The following SLC24A2 variants were observed in gnomAD, a reference collection of about 807,000 sequenced individuals.
The protein encoded by SLC24A2 is sodium/potassium/calcium exchanger 2.
Under a neutral mutation model 62.0 loss-of-function variants are expected in SLC24A2, and 36 were observed. The ratio of observed to expected loss-of-function variants is 0.58; its 90% CI spans 0.44 to 0.77. The LOEUF (loss-of-function observed/expected upper bound fraction) is 0.77. Ranked by LOEUF, SLC24A2 falls within the 30% of genes least tolerant of loss-of-function variation. The probability of loss-of-function intolerance (pLI) is 0.00; values close to 1 mark genes in which losing one functional copy is unlikely to be tolerated. For missense variants in SLC24A2, 846 were observed against 817.9 expected (o/e 1.03, Z -0.42); for synonymous variants, 358 against 294.0 (o/e 1.22, Z -2.23).
chr9:20,070,911 C>T, the SLC24A2 span, among the ~76,000 whole-genome samples: 4,974 of 152,140 alleles, frequency 0.033, 108 homozygotes, highest in South Asian at 0.078. Context: ...CTGTAATCCC[C>T]GGTGTTGGAG....
At chr9:20,231,814 G>A in the SLC24A2 span, among the ~76,000 whole-genome samples, 15,800 of 152,092 alleles carry the variant, frequency 0.1, 2,137 homozygotes, top group East Asian at 0.61. Flanking sequence ...TCTTGTGCCC[G>A]TTTTCATAGG....
Position 19,513,173 on chromosome 9 carries a change from T to TATATATATATATAC in SLC24A2, c.*2979_*2980insGTATATATATATAT, listed in dbSNP as rs1426104637. 37 of 59,690 alleles carry TATATATATATATAC rather than the reference T, an allele frequency of 6.2e-4. No homozygotes were observed. The highest frequency in any genetic ancestry group is 2.3e-3 in the African/African-American group (35 of 15,424). 3.7% of individuals were successfully genotyped at this position (59,690 alleles called of 1,614,324 possible). ...ATAAAGATATATATATATATATATATATGTATATATATATATATGTATATA... is the reference window on the plus strand; with the variant it reads ...ATAAAGATATATATATATATATATATATATATATATATACATGTATATATATATATATGTATATA... On this transcript the variant is annotated 3_prime_UTR_variant, in exon 11 of 11. Transcript: ENST00000341998.
the SLC24A2 span, among the ~76,000 whole-genome samples, chr9:20,218,236 A>G: frequency 1.3e-5 from 2 of 152,218 alleles, no homozygotes; most frequent in Non-Finnish European, 2.9e-5. Context: ...TGGTTGTTAC[A>G]TCAAAATATT....
At chr9:19,826,173 CAAAAAA>C in the SLC24A2 span, among the ~76,000 whole-genome samples, 3 of 110,740 alleles carry the variant, frequency 2.7e-5, no homozygotes, top group Non-Finnish European at 5.8e-5. Context: ...TGATGCATTG[CAAAAAA>C]AAAAAAAAAA....
At chr9:19,690,358 C>T (rs1218211297) in intron 2 of SLC24A2, among the ~76,000 whole-genome samples, 2 of 152,042 alleles carry the variant, frequency 1.3e-5, no homozygotes, top group African/African-American at 4.8e-5. Context: ...AGTAAGTAGG[C>T]CCCACCTCTG....
At chr9:19,915,320 T>C in the SLC24A2 span, among the ~76,000 whole-genome samples, 243 of 152,314 alleles carry the variant, frequency 1.6e-3, 5 homozygotes, top group East Asian at 0.045. Flanking sequence ...ACATTTTGTT[T>C]ATCCATTCAT....
At chr9:20,077,360 G>T in the SLC24A2 span, among the ~76,000 whole-genome samples, 4 of 152,116 alleles carry the variant, frequency 2.6e-5, no homozygotes, top group Admixed American at 2.6e-4. Flanking sequence ...TAGTAACTAT[G>T]TTACTATCTA....
chr9:20,279,453 C>T, the SLC24A2 span, among the ~76,000 whole-genome samples: 1 of 152,178 alleles, frequency 6.6e-6, no homozygotes, highest in African/African-American at 2.4e-5. Flanking sequence ...ATCACTTCAG[C>T]CCAGGAGGCG....
the SLC24A2 span, among the ~76,000 whole-genome samples, chr9:20,168,229 C>A: frequency 1.3e-5 from 2 of 151,896 alleles, no homozygotes; most frequent in South Asian, 4.1e-4. Context: ...TGACTAAAAA[C>A]TAGTCAATCT....
chr9:19,901,268 C>G, the SLC24A2 span, among the ~76,000 whole-genome samples: 46 of 152,310 alleles, frequency 3.0e-4, no homozygotes, highest in Admixed American at 1.0e-3. Flanking sequence ...GAGTTTAAGA[C>G]TTCCTGGGTG....
chr9:19,980,574 A>C, the SLC24A2 span, among the ~76,000 whole-genome samples: 1 of 152,288 alleles, frequency 6.6e-6, no homozygotes, highest in South Asian at 2.1e-4. Flanking sequence ...ATTCCCACCA[A>C]TTAGAAAGGA....
the SLC24A2 span, among the ~76,000 whole-genome samples, chr9:20,196,878 T>C: frequency 6.6e-6 from 1 of 152,244 alleles, no homozygotes; most frequent in African/African-American, 2.4e-5. Context: ...ATTCTTTCAA[T>C]TCCTTTGTCC....
chr9:19,955,970 G>C, the SLC24A2 span, among the ~76,000 whole-genome samples: 2 of 152,188 alleles, frequency 1.3e-5, no homozygotes, highest in East Asian at 3.8e-4. Flanking sequence ...GAATAGGTAA[G>C]CCCAGTGTTT....
At chr9:19,729,062 G>C (rs964919659) in intron 2 of SLC24A2, among the ~76,000 whole-genome samples, 1 of 152,044 alleles carries the variant, frequency 6.6e-6, no homozygotes, top group Non-Finnish European at 1.5e-5. Flanking sequence ...TCTGGTGCAT[G>C]AATAAGAATA....
chr9:20,133,589 T>C, the SLC24A2 span, among the ~76,000 whole-genome samples: 1 of 152,154 alleles, frequency 6.6e-6, no homozygotes, highest in Non-Finnish European at 1.5e-5. Flanking sequence ...ATGTCTAAAA[T>C]AACAAACAAG....
the SLC24A2 span, among the ~76,000 whole-genome samples, chr9:20,188,159 C>T: frequency 6.6e-6 from 1 of 152,214 alleles, no homozygotes; most frequent in Non-Finnish European, 1.5e-5. Context: ...ATTTCTGCTA[C>T]AAACAGTGTC....
intron 2 of SLC24A2, among the ~76,000 whole-genome samples, chr9:19,664,079 C>T (rs372727921): frequency 6.6e-6 from 1 of 152,094 alleles, no homozygotes; most frequent in Non-Finnish European, 1.5e-5. Flanking sequence ...CAATCAGTTT[C>T]TCTGCCAGCT....
chr9:19,787,632 A>G lies in SLC24A2; in HGVS notation c.-153-613T>C, dbSNP rs1823214139. Among the ~76,000 whole-genome samples, 5 of 152,332 alleles carry G rather than the reference A, an allele frequency of 3.3e-5. No individual in the cohort carries two copies. The South Asian group carries it at 1.0e-3, about 32-fold the overall frequency. On this transcript the variant is annotated intron_variant, in intron 1 of 10. Transcript: ENST00000341998. The stretch of plus-strand genomic sequence containing the variant: ...GTCTCTCCTTTATCAGATGCGGGAA[A>G]GTAGTCCTTTACAAATTTAAGTTTA...
intron 2 of SLC24A2, among the ~76,000 whole-genome samples, chr9:19,767,379 T>C (rs114869175): frequency 9.2e-5 from 14 of 152,348 alleles, no homozygotes; most frequent in African/African-American, 3.1e-4. Flanking sequence ...TAGCTCAGTG[T>C]CTGCCCAAAT....
Sources: gnomAD v4.1 joint callset for allele counts (sites outside exome capture counted in the v4.1 genomes callset) on GRCh38, gnomAD v4.1.1 for gene constraint, MANE v1.5 for transcripts, NCBI Gene and HGNC (gene_info 2026-07-23, HGNC 2026-07-21) for gene names.